Variants in NFIB observed in about 807,000 individuals in gnomAD.
NFIB encodes nuclear factor 1 B-type.
NFIB carries 11 observed loss-of-function variants against 61.5 expected under a neutral mutation model. The ratio of observed to expected loss-of-function variants is 0.18; its 90% confidence interval spans 0.11 to 0.30. NFIB has a LOEUF of 0.30. NFIB is among the 10% of genes least tolerant of loss of function. The probability of loss-of-function intolerance (pLI) is 1.00; values close to 1 mark genes in which losing one functional copy is unlikely to be tolerated. For synonymous variants in NFIB, 260 were observed against 216.5 expected (o/e 1.20, Z -1.76); for missense variants, 471 against 608.9 (o/e 0.77, Z 2.38).
chr9:14,163,141 C>A (rs2044388021), intron 3 of NFIB, among the ~76,000 whole-genome samples: 1 of 151,850 alleles, frequency 6.6e-6, no homozygotes, highest in African/African-American at 2.4e-5. Context: ...AATAGTAAAG[C>A]AGACATCTCA....
chr9:14,249,077 A>G (rs1414254911), intron 2 of NFIB, among the ~76,000 whole-genome samples: 1 of 152,252 alleles, frequency 6.6e-6, no homozygotes, highest in African/African-American at 2.4e-5. Flanking sequence ...CAAACCAAAT[A>G]GCAGCAAGAA....
chr9:14,225,456 CA>C (rs1228589594), intron 2 of NFIB, among the ~76,000 whole-genome samples: 35 of 58,008 alleles, frequency 6.0e-4, no homozygotes, highest in Non-Finnish European at 1.2e-3. Flanking sequence ...GACTCCGTCT[CA>C]AAAAAAAAAA....
chr9:14,220,492 T>C (rs4741348), intron 2 of NFIB, among the ~76,000 whole-genome samples: 149,940 of 152,226 alleles, frequency 0.98, 73,853 homozygotes, highest in East Asian at 1. Context: ...GGCATGGGGC[T>C]CCCTTTCGAC....
intron 1 of NFIB, among the ~76,000 whole-genome samples, chr9:14,384,025 G>T (rs1218865774): frequency 6.6e-6 from 1 of 152,364 alleles, no homozygotes; most frequent in South Asian, 2.1e-4. Flanking sequence ...GATTGGCTGG[G>T]GGGCGTGATG....
chr9:14,453,118 G>T, the NFIB span, among the ~76,000 whole-genome samples: 1 of 152,160 alleles, frequency 6.6e-6, no homozygotes, highest in African/African-American at 2.4e-5. Flanking sequence ...TCAGAATCTT[G>T]TTCAGGGTAT....
rs117904142 is a variant in NFIB at position 14,348,462 on chromosome 9, G to C, written c.109-40942C>G. 5.4e-3 allele frequency among the ~76,000 whole-genome samples: 826 copies of C among 152,296 alleles called. 4 individuals carry two copies. Among genetic ancestry groups the C allele is most frequent in the Non-Finnish European group, 9.0e-3 (611 of 68,030 alleles). On this transcript the variant is annotated intron_variant, in intron 1 of 8. Transcript: ENST00000380934. Reference sequence around the variant, plus strand: ...TTCGGGAGAAGTTGGAGGGTGGAGAGAAAACAAGGTTATTTAAAGTGACTC... The same window carrying C: ...TTCGGGAGAAGTTGGAGGGTGGAGACAAAACAAGGTTATTTAAAGTGACTC...
chr9:14,334,869 C>T (rs1452682258), intron 1 of NFIB, among the ~76,000 whole-genome samples: 2 of 152,216 alleles, frequency 1.3e-5, no homozygotes, highest in Non-Finnish European at 2.9e-5. Context: ...CTTACAACCA[C>T]TGATCTACTT....
chr9:14,218,665 CTATTGCTACCAACCAGAT>C (rs1240940856), intron 2 of NFIB, among the ~76,000 whole-genome samples: 1 of 152,128 alleles, frequency 6.6e-6, no homozygotes, highest in Admixed American at 6.5e-5. Context: ...CCAAAAGAGC[CTATTGCTACCAACCAGAT>C]TTGGTTGGGG....
chr9:14,525,022 A>T, the NFIB span, among the ~76,000 whole-genome samples: 2 of 152,194 alleles, frequency 1.3e-5, no homozygotes, highest in Non-Finnish European at 2.9e-5. Context: ...CTTTCCAAAA[A>T]ATTTCCCCCA....
At chr9:14,200,708 G>A (rs2048940706) in intron 2 of NFIB, among the ~76,000 whole-genome samples, 1 of 151,870 alleles carries the variant, frequency 6.6e-6, no homozygotes, top group Admixed American at 6.6e-5. Flanking sequence ...TCTTCTGTTG[G>A]TCCCTTATAT....
chr9:14,285,125 C>A (rs72700506), intron 2 of NFIB, among the ~76,000 whole-genome samples: 1 of 151,984 alleles, frequency 6.6e-6, no homozygotes, highest in Non-Finnish European at 1.5e-5. Context: ...ATGATTCTTT[C>A]CAATTTTCTT....
At chr9:14,472,366 T>A in the NFIB span, among the ~76,000 whole-genome samples, 3 of 152,342 alleles carry the variant, frequency 2.0e-5, no homozygotes, top group South Asian at 2.1e-4. Context: ...AAAATTTTTA[T>A]TCCAGATCCA....
intron 2 of NFIB, among the ~76,000 whole-genome samples, chr9:14,192,862 G>C (rs1473212151): frequency 6.6e-6 from 1 of 151,988 alleles, no homozygotes; most frequent in Non-Finnish European, 1.5e-5. Context: ...CTATCTGGTA[G>C]TTTATTTTAC....
chr9:14,100,835 T>C (rs2035668094), intron 10 of NFIB, among the ~76,000 whole-genome samples: 1 of 152,358 alleles, frequency 6.6e-6, no homozygotes, highest in South Asian at 2.1e-4. Flanking sequence ...TTCCACAGAA[T>C]TGGAAGTTCG....
the NFIB span, among the ~76,000 whole-genome samples, chr9:14,492,154 G>A: frequency 6.6e-6 from 1 of 152,062 alleles, no homozygotes; most frequent in African/African-American, 2.4e-5. Context: ...ACAAGGTCAG[G>A]AGATCGAGAC....
At chr9:14,125,452 A>T (rs1434714154) in intron 7 of NFIB, among the ~76,000 whole-genome samples, 180 bp downstream of exon 7, 2 of 152,184 alleles carry the variant, frequency 1.3e-5, no homozygotes, top group African/African-American at 2.4e-5. Flanking sequence ...CCCTGCACCC[A>T]GAGAAATCTT....
intron 2 of NFIB, among the ~76,000 whole-genome samples, chr9:14,181,048 A>C (rs986590480): frequency 6.6e-6 from 1 of 152,174 alleles, no homozygotes; most frequent in Non-Finnish European, 1.5e-5. Flanking sequence ...GGTTTTTTTC[A>C]TCGGGGTTAT....
chr9:14,311,041 T>C (rs903206623), intron 1 of NFIB, among the ~76,000 whole-genome samples: 4 of 152,162 alleles, frequency 2.6e-5, no homozygotes, highest in African/African-American at 9.6e-5. Context: ...ATATTATTAA[T>C]GGTTTACATT....
At chr9:14,304,099 A>G (rs2059897419) in intron 2 of NFIB, among the ~76,000 whole-genome samples, 1 of 152,242 alleles carries the variant, frequency 6.6e-6, no homozygotes, top group South Asian at 2.1e-4. Context: ...CTAATGAACT[A>G]TATATCAAAA....
Sources: allele counts gnomAD v4.1 joint callset (sites outside exome capture counted in the v4.1 genomes callset), GRCh38; gene constraint gnomAD v4.1.1; transcripts MANE v1.5; gene names NCBI Gene and HGNC (gene_info 2026-07-23, HGNC 2026-07-21).